The following DAG1 variants were observed in gnomAD, a reference collection of about 807,000 sequenced individuals.
The protein encoded by DAG1 is dystroglycan 1.
DAG1 carries 8 observed loss-of-function variants against 46.1 expected under a neutral mutation model. The ratio of observed to expected loss-of-function variants is 0.17; its 90% confidence interval spans 0.10 to 0.31. DAG1 has a LOEUF of 0.31. Ranked by LOEUF, DAG1 falls within the 10% of genes least tolerant of loss-of-function variation. DAG1 has a pLI of 1.00. For missense variants in DAG1, 1,003 were observed against 1,189.9 expected, an observed-to-expected ratio of 0.84 and a Z score of 2.31; for synonymous variants, 495 against 481.8, an observed-to-expected ratio of 1.03 and a Z score of -0.36.
chr3:49,535,331 G>A lies in DAG1; in HGVS notation c.*2132G>A. 6.5e-6 allele frequency: 1 copy of A among 152,826 alleles called. No homozygotes were observed. The allele number at this position is 152,826 out of a possible 1,614,324, so 9.5% of individuals were successfully genotyped here. On this transcript the variant is annotated 3_prime_UTR_variant, in exon 3 of 3. Coordinates refer to ENST00000308775, the MANE Select transcript of DAG1 (RefSeq NM_004393.6). ...CAACTCCACCATTGGGCACTGCCATGCAGAGACGTGGCTGGCCCAGAATGG... is the reference window on the plus strand; with the variant it reads ...CAACTCCACCATTGGGCACTGCCATACAGAGACGTGGCTGGCCCAGAATGG...
chr3:49,491,091 G>A (rs1353746439), intron 1 of DAG1, among the ~76,000 whole-genome samples: 3 of 151,214 alleles, frequency 2.0e-5, no homozygotes, highest in Non-Finnish European at 3.0e-5. Context: ...CGCCATGTTG[G>A]CCAGGCTGGT....
At chr3:49,483,280 T>C (rs2049933515) in intron 1 of DAG1, among the ~76,000 whole-genome samples, 1 of 151,178 alleles carries the variant, frequency 6.6e-6, no homozygotes, top group Non-Finnish European at 1.5e-5. Flanking sequence ...CTCAGCTCAC[T>C]GCAACCTCTG....
intron 2 of DAG1, among the ~76,000 whole-genome samples, chr3:49,525,732 T>G (rs1344526309): frequency 2.0e-5 from 3 of 151,624 alleles, no homozygotes; most frequent in African/African-American, 7.3e-5. Flanking sequence ...CTAATTTTTT[T>G]TATTTTTAGT....
intron 1 of DAG1, among the ~76,000 whole-genome samples, chr3:49,481,095 A>G (rs1459706704): frequency 6.7e-6 from 1 of 149,330 alleles, no homozygotes; most frequent in Non-Finnish European, 1.5e-5. Context: ...TTGTATCATA[A>G]GAAGTGAATT....
At chr3:49,503,875 G>C (rs1262466114) in intron 1 of DAG1, among the ~76,000 whole-genome samples, 1 of 151,200 alleles carries the variant, frequency 6.6e-6, no homozygotes, top group Non-Finnish European at 1.5e-5. Flanking sequence ...TTTTGAGACA[G>C]AGTCTTACTG....
chr3:49,506,859 C>T (rs1257821376), intron 1 of DAG1, among the ~76,000 whole-genome samples: 1 of 151,662 alleles, frequency 6.6e-6, no homozygotes, highest in East Asian at 1.9e-4. Context: ...TGCCTATAGT[C>T]CTAGCTACTC....
At chr3:49,525,334 T>C (rs1575403327) in intron 2 of DAG1, among the ~76,000 whole-genome samples, 4 of 152,304 alleles carry the variant, frequency 2.6e-5, no homozygotes, top group South Asian at 2.1e-4. Context: ...TTGGCTCTTA[T>C]ATTAGTCTGT....
chr3:49,470,149 G>A (rs988022240), upstream of DAG1: 1 of 151,122 alleles, frequency 6.6e-6, no homozygotes, highest in Non-Finnish European at 1.5e-5. Flanking sequence ...AGCCGGCGGC[G>A]CGCGGACAGC....
chr3:49,512,694 G>C (rs553455928), intron 2 of DAG1, among the ~76,000 whole-genome samples: 1 of 149,898 alleles, frequency 6.7e-6, no homozygotes, highest in African/African-American at 2.4e-5. Flanking sequence ...TAGTTTGGGC[G>C]TGATGACTTA....
chr3:49,505,327 C>T (rs754386724), intron 1 of DAG1, among the ~76,000 whole-genome samples: 2 of 152,008 alleles, frequency 1.3e-5, no homozygotes, highest in Non-Finnish European at 2.9e-5. Context: ...GTGTCAAACT[C>T]CTGGGTTCCT....
chr3:49,507,856 T>C (rs2050649435), intron 1 of DAG1, among the ~76,000 whole-genome samples: 1 of 152,042 alleles, frequency 6.6e-6, no homozygotes, highest in Non-Finnish European at 1.5e-5. Flanking sequence ...ATAATTTTCT[T>C]AATAGAAATT....
upstream of DAG1, among the ~76,000 whole-genome samples, chr3:49,469,728 C>T (rs1268494995): frequency 6.6e-6 from 1 of 152,232 alleles, no homozygotes; most frequent in Non-Finnish European, 1.5e-5. Flanking sequence ...GGCAGCAAGG[C>T]TTTCATCCTT....
chr3:49,497,431 C>T (rs1465028684), intron 1 of DAG1, among the ~76,000 whole-genome samples: 4 of 93,156 alleles, frequency 4.3e-5, no homozygotes, highest in Non-Finnish European at 6.4e-5. Flanking sequence ...AGCAAGACTC[C>T]GTCTCAAAAA....
chr3:49,503,003 A>G (rs1575376148), intron 1 of DAG1, among the ~76,000 whole-genome samples: 1 of 152,176 alleles, frequency 6.6e-6, no homozygotes, highest in African/African-American at 2.4e-5. Context: ...ACAGAGTTCC[A>G]TGATATTCCA....
chr3:49,470,623 C>T (rs2049489379), intron 1 of DAG1, 190 bp downstream of exon 1: 1 of 152,150 alleles, frequency 6.6e-6, no homozygotes, highest in African/African-American at 2.4e-5. Flanking sequence ...CTCTGGGTCC[C>T]GCAGGCAAAG....
chr3:49,481,659 A>G (rs111953219), intron 1 of DAG1, among the ~76,000 whole-genome samples: 66 of 152,222 alleles, frequency 4.3e-4, no homozygotes, highest in Middle Eastern at 6.8e-3. Context: ...TACCCTAAGT[A>G]TAGGGGAGTG....
chr3:49,526,706 G>C (rs2107841354), intron 2 of DAG1, among the ~76,000 whole-genome samples: 1 of 152,262 alleles, frequency 6.6e-6, no homozygotes, highest in East Asian at 1.9e-4. Context: ...GACAGAGTGA[G>C]ACTCTGTCTC....
chr3:49,492,607 A>C (rs2050217936), intron 1 of DAG1: 1 of 152,186 alleles, frequency 6.6e-6, no homozygotes, highest in Non-Finnish European at 1.5e-5. Flanking sequence ...TCATCGTGTC[A>C]TTGCACTCCA....
intron 1 of DAG1, among the ~76,000 whole-genome samples, chr3:49,478,074 C>T (rs1575337788): frequency 6.6e-6 from 1 of 151,310 alleles, no homozygotes. Context: ...CAAGACCAGC[C>T]TGGTCGACAT....
Sources: gnomAD v4.1 joint callset for allele counts (sites outside exome capture counted in the v4.1 genomes callset) on GRCh38, gnomAD v4.1.1 for gene constraint, MANE v1.5 for transcripts, NCBI Gene and HGNC (gene_info 2026-07-23, HGNC 2026-07-21) for gene names.